The following COL8A1 variants were observed in gnomAD, a reference collection of about 807,000 sequenced individuals.
COL8A1 encodes the protein collagen alpha-1(VIII) chain.
Under a neutral mutation model 42.7 loss-of-function variants are expected in COL8A1, and 21 were observed. The observed-to-expected ratio is 0.49, with a 90% CI of 0.35 to 0.71. COL8A1 has a LOEUF of 0.71. Among genes scored for constraint, COL8A1 ranks in the 30% least tolerant of loss-of-function variants. The probability of loss-of-function intolerance (pLI) is 0.01; values close to 1 mark genes in which losing one functional copy is unlikely to be tolerated. For synonymous variants in COL8A1, 367 were observed against 369.1 expected (o/e 0.99, Z 0.06); for missense variants, 788 against 962.4 (o/e 0.82, Z 2.40).
Position 99,677,865 on chromosome 3 carries a change from G to GT in COL8A1, c.-129+39202dup, listed in dbSNP as rs770844576. On this transcript the variant is annotated intron_variant, in intron 1 of 3. Transcript: ENST00000652472. ...CAAAACCAAAAGTGAATTACCCAGA[G>GT]TGTGCTGGCAGAGAGACTTGAATGT... 9.1e-4 allele frequency: 139 copies of GT among 152,314 alleles called. 1 individual carries two copies. Among genetic ancestry groups the GT allele is most frequent in the Non-Finnish European group, 1.3e-3 (88 of 68,046 alleles). 9.4% of individuals were successfully genotyped at this position (152,314 alleles called of 1,614,324 possible).
At chr3:99,737,043 T>G (rs1940743550) in intron 1 of COL8A1, among the ~76,000 whole-genome samples, 2 of 152,212 alleles carry the variant, frequency 1.3e-5, no homozygotes, top group Non-Finnish European at 2.9e-5. Context: ...TATCAGAGAC[T>G]AGGATTGCAA....
Position 99,741,765 on chromosome 3 carries a change from A to G in COL8A1, c.-128-3132A>G, listed in dbSNP as rs1193245125. On this transcript the variant is annotated intron_variant, in intron 1 of 3. Transcript: ENST00000652472. ...AAACAATGTTCCAGCAAAAAAGGTC[A>G]GCCTCACGGCCTTTTGTGATCCTGC... 3.9e-5 allele frequency among the ~76,000 whole-genome samples: 6 copies of G among 152,210 alleles called. No individual in the cohort carries two copies. In the South Asian group the frequency reaches 1.0e-3, roughly 26 times the overall value.
At chr3:99,646,338 T>C (rs992684993) in intron 1 of COL8A1, among the ~76,000 whole-genome samples, 7 of 151,968 alleles carry the variant, frequency 4.6e-5, no homozygotes, top group African/African-American at 1.5e-4. Context: ...AGCTATGGAG[T>C]TGGTGTGCAT....
intron 1 of COL8A1, chr3:99,706,946 T>C (rs1939695876): frequency 1.3e-5 from 2 of 152,218 alleles, no homozygotes; most frequent in African/African-American, 2.4e-5. Context: ...TTGTTTTATA[T>C]ACATGTTTTC....
intron 1 of COL8A1, among the ~76,000 whole-genome samples, chr3:99,646,084 G>T (rs16841573): frequency 0.068 from 10,365 of 152,118 alleles, 435 homozygotes; most frequent in East Asian, 0.15. Flanking sequence ...GAGCAGCCAG[G>T]GTCTTGCCTA....
rs1942119316 is a variant in COL8A1, at chr3:99,796,930, G to A, written c.*794G>A. 6.6e-6 allele frequency: 1 copy of A among 152,132 alleles called. No homozygotes were observed. Among genetic ancestry groups the A allele is most frequent in the African/African-American group, 2.4e-5 (1 of 41,414 alleles). The allele number at this position is 152,132 out of a possible 1,614,324, so 9.4% of individuals were successfully genotyped here. ...CAGTAATTAACTCACTTGTTCCCCA[G>A]AGTTTCTATTTGTTTTGATTTTCTT... is the stretch of plus-strand genomic sequence containing the variant. On this transcript the variant is annotated 3_prime_UTR_variant, in exon 4 of 4. Transcript: ENST00000652472.
intron 1 of COL8A1, among the ~76,000 whole-genome samples, chr3:99,689,643 TTC>T (rs1421243439): frequency 6.6e-6 from 1 of 152,222 alleles, no homozygotes; most frequent in Non-Finnish European, 1.5e-5. Context: ...CAATATGTAA[TTC>T]TTCTACAACA....
chr3:99,682,597 GT>G (rs1938919736), intron 1 of COL8A1, among the ~76,000 whole-genome samples: 1 of 148,978 alleles, frequency 6.7e-6, no homozygotes, highest in African/African-American at 2.5e-5. Context: ...TCAGAATTAA[GT>G]AAAAGGAATG....
intron 2 of COL8A1, among the ~76,000 whole-genome samples, chr3:99,789,322 A>G (rs1004217432): frequency 6.6e-6 from 1 of 152,192 alleles, no homozygotes; most frequent in African/African-American, 2.4e-5. Context: ...TACAGACAGA[A>G]GTTTCTTCAA....
At chr3:99,777,974 A>C (rs1941725343) in intron 2 of COL8A1, among the ~76,000 whole-genome samples, 1 of 152,218 alleles carries the variant, frequency 6.6e-6, no homozygotes, top group South Asian at 2.1e-4. Flanking sequence ...CAGGTGGTCA[A>C]TAATGTATCC....
At chr3:99,789,860 T>A (rs1941966907) in intron 2 of COL8A1, among the ~76,000 whole-genome samples, 1 of 152,224 alleles carries the variant, frequency 6.6e-6, no homozygotes, top group East Asian at 1.9e-4. Context: ...GAATTCATAG[T>A]ATTTTAATAC....
chr3:99,728,269 A>G lies in COL8A1; in HGVS notation c.-128-16628A>G, dbSNP rs1311270685. The stretch of plus-strand genomic sequence containing the variant: ...CATTGTCTCAGCCCAAAATCTCCTT[A>G]AGCTGATAAGCAACTTCAGCAAAGT... On this transcript the variant is annotated intron_variant, in intron 1 of 3. Transcript: ENST00000652472. Among the ~76,000 whole-genome samples the G allele has an allele frequency of 3.9e-5, 6 of 152,114 alleles. No homozygotes were observed. In the South Asian group the frequency reaches 1.0e-3, roughly 26 times the overall value.
rs769257974 is a variant in COL8A1 at position 99,730,188 on chromosome 3, G to A, written c.-128-14709G>A. Among the ~76,000 whole-genome samples the A allele has an allele frequency of 2.5e-4, 38 of 152,168 alleles. No homozygotes were observed. In the Middle Eastern group the frequency reaches 0.02, roughly 82 times the overall value. On this transcript the variant is annotated intron_variant, in intron 1 of 3. Transcript: ENST00000652472. ...TTATTCATTTACTGCACAGTCGTAAGGATTAAATGAGACTGTGCAGATAAC... is the reference window on the plus strand; with the variant it reads ...TTATTCATTTACTGCACAGTCGTAAAGATTAAATGAGACTGTGCAGATAAC...
At chr3:99,742,124 A>C (rs1234374924) in intron 1 of COL8A1, among the ~76,000 whole-genome samples, 11 of 152,222 alleles carry the variant, frequency 7.2e-5, no homozygotes, top group African/African-American at 2.7e-4. Flanking sequence ...ATTTAGAACA[A>C]TAATTTTTTG....
At chr3:99,733,451 A>C (rs1018100568) in intron 1 of COL8A1, among the ~76,000 whole-genome samples, 4 of 145,594 alleles carry the variant, frequency 2.7e-5, no homozygotes, top group Non-Finnish European at 4.5e-5. Context: ...TTCCAATTTC[A>C]TCCATGTCCC....
intron 1 of COL8A1, among the ~76,000 whole-genome samples, chr3:99,698,855 G>C (rs1044643960): frequency 6.6e-6 from 1 of 152,224 alleles, no homozygotes; most frequent in East Asian, 1.9e-4. Context: ...ACCTGCAGCT[G>C]TATATCAAGG....
intron 1 of COL8A1, among the ~76,000 whole-genome samples, chr3:99,707,404 T>G (rs1257777706): frequency 6.6e-6 from 1 of 152,200 alleles, no homozygotes; most frequent in East Asian, 1.9e-4. Flanking sequence ...TAAAGAGCTG[T>G]CTGCTTCATG....
chr3:99,777,134 C>T (rs1248088184), intron 2 of COL8A1, among the ~76,000 whole-genome samples: 3 of 152,084 alleles, frequency 2.0e-5, no homozygotes, highest in Non-Finnish European at 2.9e-5. Context: ...GAATGCAGCC[C>T]AGTAGGTCTC....
rs147701830 is a variant in COL8A1 at position 99,783,334 on chromosome 3, C to T, written c.-3-7346C>T. ...GTTGGTCCCATGAGGTCATTATCTG[C>T]CTATAGCTAGTACATGGGGATGATT... On this transcript the variant is annotated intron_variant, in intron 2 of 3. Coordinates refer to ENST00000652472, the MANE Select transcript of COL8A1 (RefSeq NM_020351.4). 4.6e-3 allele frequency among the ~76,000 whole-genome samples: 699 copies of T among 152,290 alleles called. 2 individuals are homozygous for T. The highest frequency in any genetic ancestry group is 7.3e-3 in the South Asian group (35 of 4,824).
Sources: allele counts gnomAD v4.1 joint callset (sites outside exome capture counted in the v4.1 genomes callset), GRCh38; gene constraint gnomAD v4.1.1; transcripts MANE v1.5; gene names NCBI Gene and HGNC (gene_info 2026-07-23, HGNC 2026-07-21).